Variants in CTNNA3 observed in about 807,000 individuals in gnomAD.
CTNNA3 encodes catenin alpha-3.
Under a neutral mutation model 95.7 loss-of-function variants are expected in CTNNA3, and 76 were observed. The ratio of observed to expected loss-of-function variants is 0.79; its 90% CI spans 0.66 to 0.96. The LOEUF (loss-of-function observed/expected upper bound fraction) is 0.96. Ranked by LOEUF, CTNNA3 falls within the 40% of genes least tolerant of loss-of-function variation. CTNNA3 has a pLI of 0.00. For synonymous variants in CTNNA3, 431 were observed against 374.4 expected (o/e 1.15, Z -1.74); for missense variants, 1,191 against 1,089.8 (o/e 1.09, Z -1.31).
intron 7 of CTNNA3, among the ~76,000 whole-genome samples, chr10:67,061,493 T>A (rs544133653): frequency 6.6e-6 from 1 of 152,216 alleles, no homozygotes; most frequent in Admixed American, 6.5e-5. Context: ...GCTCTTCTTA[T>A]CTCTGTTCTG....
At chr10:66,723,056 C>A (rs1168416742) in intron 9 of CTNNA3, among the ~76,000 whole-genome samples, 1 of 151,718 alleles carries the variant, frequency 6.6e-6, no homozygotes, top group Non-Finnish European at 1.5e-5. Flanking sequence ...AGCTTCTTAG[C>A]CACCTTGTTG....
At chr10:66,562,736 A>G (rs893863995) in intron 10 of CTNNA3, among the ~76,000 whole-genome samples, 1 of 151,958 alleles carries the variant, frequency 6.6e-6, no homozygotes, top group Non-Finnish European at 1.5e-5. Context: ...TAGTTTATTG[A>G]TTGTAAAATA....
At chr10:66,572,381 TA>T (rs5785764) in intron 10 of CTNNA3, among the ~76,000 whole-genome samples, 95,866 of 146,214 alleles carry the variant, frequency 0.66, 32,830 homozygotes, top group Non-Finnish European at 0.77. Context: ...GACTCTGTCT[TA>T]AAAAAAAAAA....
intron 13 of CTNNA3, among the ~76,000 whole-genome samples, chr10:66,270,003 A>C (rs2091242056): frequency 6.6e-6 from 1 of 152,164 alleles, no homozygotes; most frequent in East Asian, 1.9e-4. Context: ...GAACTCTTAA[A>C]ACCATCTTAA....
chr10:67,076,190 A>C (rs919882223), intron 7 of CTNNA3, among the ~76,000 whole-genome samples: 1 of 152,166 alleles, frequency 6.6e-6, no homozygotes, highest in African/African-American at 2.4e-5. Flanking sequence ...GAGAGCTACA[A>C]TTTTTCCAGC....
At chr10:67,399,598 A>C (rs2132800613) in intron 5 of CTNNA3, among the ~76,000 whole-genome samples, 1 of 152,230 alleles carries the variant, frequency 6.6e-6, no homozygotes, top group South Asian at 2.1e-4. Context: ...TCCAGGTAGA[A>C]CACCCTCCAT....
intron 1 of CTNNA3, among the ~76,000 whole-genome samples, chr10:67,741,218 G>T (rs965524961): frequency 2.1e-4 from 32 of 150,526 alleles, no homozygotes; most frequent in Non-Finnish European, 3.8e-4. Context: ...TAGATGACGA[G>T]TTAGTGGGTG....
intron 11 of CTNNA3, among the ~76,000 whole-genome samples, chr10:66,453,356 T>C (rs941507291): frequency 3.3e-5 from 5 of 152,232 alleles, no homozygotes; most frequent in African/African-American, 1.2e-4. Context: ...AGAGCAGCTT[T>C]TCTGGGCAGC....
rs116774068 is a variant in CTNNA3 at position 66,957,773 on chromosome 10, T to A, written c.1048-182249A>T. ...CTAAGGCAGAAGACAAGGGGAAAAT[T>A]TGCTAGAACTGCTGAAAAGTGTGCT... On this transcript the variant is annotated intron_variant, in intron 7 of 17. Transcript: ENST00000433211. Among the ~76,000 whole-genome samples, 844 of 151,994 alleles carry A rather than the reference T, an allele frequency of 5.6e-3. 9 individuals are homozygous for A. Among genetic ancestry groups the A allele is most frequent in the African/African-American group, 0.019 (799 of 41,446 alleles).
intron 5 of CTNNA3, among the ~76,000 whole-genome samples, chr10:67,264,288 CT>C (rs1866731357): frequency 6.6e-6 from 1 of 152,068 alleles, no homozygotes; most frequent in Admixed American, 6.6e-5. Flanking sequence ...GCCTGCCAGA[CT>C]CCTAAGTCAT....
intron 4 of CTNNA3, among the ~76,000 whole-genome samples, chr10:67,527,928 G>C (rs1840200120): frequency 6.6e-6 from 1 of 152,184 alleles, no homozygotes; most frequent in Admixed American, 6.5e-5. Context: ...CACTGGGAAA[G>C]CTTCACCAGA....
intron 7 of CTNNA3, among the ~76,000 whole-genome samples, chr10:67,053,907 T>C (rs1454348180): frequency 1.3e-5 from 2 of 152,144 alleles, no homozygotes; most frequent in African/African-American, 4.8e-5. Context: ...TTGTCATGAT[T>C]ACCTCCCAAA....
intron 5 of CTNNA3, among the ~76,000 whole-genome samples, chr10:67,481,821 C>T (rs1406609285): frequency 1.3e-5 from 2 of 152,088 alleles, no homozygotes; most frequent in Non-Finnish European, 2.9e-5. Flanking sequence ...GAAGTCCTTG[C>T]CCATGCCTAT....
chr10:67,640,716 C>G, intron 2 of CTNNA3, among the ~76,000 whole-genome samples: 1 of 152,132 alleles, frequency 6.6e-6, no homozygotes, highest in Non-Finnish European at 1.5e-5. Flanking sequence ...GTACAACCAT[C>G]TGATCTTTGA....
At chr10:67,440,418 C>T (rs1395360715) in intron 5 of CTNNA3, among the ~76,000 whole-genome samples, 1 of 152,118 alleles carries the variant, frequency 6.6e-6, no homozygotes, top group Admixed American at 6.6e-5. Context: ...GGAGAACTTT[C>T]CACTCTGAAG....
chr10:66,537,775 T>G (rs948320074), intron 10 of CTNNA3, among the ~76,000 whole-genome samples: 3 of 151,790 alleles, frequency 2.0e-5, no homozygotes, highest in Non-Finnish European at 2.9e-5. Flanking sequence ...CTGGGCAATA[T>G]AGTGAGACCC....
At chr10:66,118,769 T>G (rs558123748) in intron 13 of CTNNA3, among the ~76,000 whole-genome samples, 2 of 152,320 alleles carry the variant, frequency 1.3e-5, no homozygotes, top group South Asian at 2.1e-4. Flanking sequence ...AAAGGATCAC[T>G]GTTATCAATG....
chr10:67,353,326 A>C (rs570687073), intron 5 of CTNNA3, among the ~76,000 whole-genome samples: 8 of 152,138 alleles, frequency 5.3e-5, no homozygotes, highest in South Asian at 4.1e-4. Context: ...GAGAGAGAAG[A>C]AGCAGCACAT....
chr10:67,450,208 T>G (rs1331814101), intron 5 of CTNNA3, among the ~76,000 whole-genome samples: 1 of 152,136 alleles, frequency 6.6e-6, no homozygotes, highest in Non-Finnish European at 1.5e-5. Flanking sequence ...GGAGTGTAAG[T>G]TAGTTCAACC....
Sources: allele counts gnomAD v4.1 joint callset (sites outside exome capture counted in the v4.1 genomes callset), GRCh38; gene constraint gnomAD v4.1.1; transcripts MANE v1.5; gene names NCBI Gene and HGNC (gene_info 2026-07-23, HGNC 2026-07-21).